Variants in EEA1 observed in about 807,000 individuals in gnomAD.
EEA1 encodes the protein early endosome antigen 1, also known as early endosome antigen 1, 162kD.
EEA1 carries 111 observed loss-of-function variants against 209.2 expected under a neutral mutation model. The ratio of observed to expected loss-of-function variants is 0.53; its 90% confidence interval spans 0.45 to 0.62. The LOEUF (loss-of-function observed/expected upper bound fraction) is 0.62. Among genes scored for constraint, EEA1 ranks in the 20% least tolerant of loss-of-function variants. The probability of loss-of-function intolerance (pLI) is 0.00; values close to 1 mark genes in which losing one functional copy is unlikely to be tolerated. For missense variants in EEA1, 1,343 were observed against 1,530.8 expected (o/e 0.88, Z 2.05); for synonymous variants, 536 against 540.6 (o/e 0.99, Z 0.12).
chr12:92,809,578 C>T (rs1408623442), intron 17 of EEA1, among the ~76,000 whole-genome samples: 1 of 150,172 alleles, frequency 6.7e-6, no homozygotes, highest in Admixed American at 6.6e-5. Flanking sequence ...GCCTGAAGTC[C>T]CAGCTACTCA....
intron 20 of EEA1, among the ~76,000 whole-genome samples, chr12:92,799,389 G>T (rs1425160775): frequency 6.6e-6 from 1 of 151,936 alleles, no homozygotes; most frequent in Non-Finnish European, 1.5e-5. Context: ...ACTTATAATT[G>T]TATAGTTACA....
At chr12:92,897,485 T>G (rs1270303848) in intron 1 of EEA1, among the ~76,000 whole-genome samples, 3 of 152,192 alleles carry the variant, frequency 2.0e-5, no homozygotes, top group Non-Finnish European at 4.4e-5. Flanking sequence ...CAGAAACGTC[T>G]AGGGGGTATT....
chr12:92,882,750 TTTG>T (rs1268763142), intron 2 of EEA1, among the ~76,000 whole-genome samples: 2 of 152,208 alleles, frequency 1.3e-5, no homozygotes. Flanking sequence ...AGAATATGAT[TTTG>T]TTATTTTTAT....
At chr12:92,866,963 C>T (rs756296064) in intron 2 of EEA1, among the ~76,000 whole-genome samples, 77 of 152,110 alleles carry the variant, frequency 5.1e-4, no homozygotes, top group Non-Finnish European at 8.8e-4. Flanking sequence ...TGCTCGTGTT[C>T]GGATACTCAG....
At chr12:92,893,044 A>T (rs1592762339) in intron 1 of EEA1, among the ~76,000 whole-genome samples, 2 of 152,306 alleles carry the variant, frequency 1.3e-5, no homozygotes, top group South Asian at 4.1e-4. Context: ...ACCAATCATT[A>T]CCATCCAGCT....
At chr12:92,843,372 T>C (rs984584245) in intron 9 of EEA1, among the ~76,000 whole-genome samples, 2 of 152,102 alleles carry the variant, frequency 1.3e-5, no homozygotes, top group African/African-American at 4.8e-5. Flanking sequence ...TTGCCTAGGC[T>C]GGTCCCCAAC....
chr12:92,832,722 C>T lies in EEA1; in HGVS notation c.1044G>A (p.Gln348=), dbSNP rs1260979535. Residue 348 remains glutamine (Q), a synonymous_variant, in exon 11 of 29, where the codon CAG becomes CAA. Coordinates refer to ENST00000322349, the MANE Select transcript of EEA1 (RefSeq NM_003566.4). ...CAGATGCAGACAATCTTGACTGAAGCTGTTGACAATCTAGGTCTTTTTGAT... is the reference window on the plus strand; with the variant it reads ...CAGATGCAGACAATCTTGACTGAAGTTGTTGACAATCTAGGTCTTTTTGAT... ...TLHQKDLDCQ[Q]LQSRLSASET... 1 of 1,614,002 alleles carries T rather than the reference C, an allele frequency of 6.2e-7. No homozygotes were observed. Among genetic ancestry groups the T allele is most frequent in the African/African-American group, 1.3e-5 (1 of 75,042 alleles).
At chr12:92,782,361 G>A (rs756737076) in intron 22 of EEA1, among the ~76,000 whole-genome samples, 1 of 151,966 alleles carries the variant, frequency 6.6e-6, no homozygotes, top group Non-Finnish European at 1.5e-5. Flanking sequence ...CAATTCCAAA[G>A]CCTCCAAAAA....
intron 13 of EEA1, among the ~76,000 whole-genome samples, chr12:92,820,774 T>TATATATAC (rs1491468314): frequency 1.6e-5 from 1 of 61,910 alleles, no homozygotes; most frequent in African/African-American, 4.9e-5. Context: ...TATATATATA[T>TATATATAC]ACACACACAC....
At chr12:92,892,902 T>C (rs1879713476) in intron 1 of EEA1, among the ~76,000 whole-genome samples, 1 of 152,218 alleles carries the variant, frequency 6.6e-6, no homozygotes, top group South Asian at 2.1e-4. Flanking sequence ...AGTGCTGTGA[T>C]TACAGGCATG....
At chr12:92,928,894 CGGGCCGGGCGACCG>C (rs1272770730) in intron 1 of EEA1, 135 bp downstream of exon 1, 1 of 637,664 alleles carries the variant, frequency 1.6e-6, no homozygotes, top group Non-Finnish European at 2.3e-6. Flanking sequence ...TCCCCGCCCC[CGGGCCGGGCGACCG>C]AGGCCTAAGC....
At position 92,842,496 on chromosome 12, in the gene EEA1, C is replaced by T. The variant is rs956660784; in HGVS notation, c.884G>A (p.Ser295Asn). The stretch of plus-strand genomic sequence containing the variant: ...TTTTTGTGTTAATTCATTAACTGAA[C>T]TTTTCAGTTTTTGTAGTTCCTGTAC... ...VYVQELQKLK[S>N]SVNELTQKNQ... The change falls in exon 10 of 29, where the codon AGT (serine) becomes AAT (asparagine). Residue 295 changes from serine to asparagine, a missense_variant. Physicochemically the swap from Ser to Asn is conservative, Grantham distance 46. Around this residue, in one of 3 missense-constraint regions of EEA1, gnomAD observed 1,307 missense variants for 1,465.5 expected, o/e 0.89. Coordinates refer to ENST00000322349, the MANE Select transcript of EEA1 (RefSeq NM_003566.4). 6.2e-6 allele frequency: 10 copies of T among 1,603,186 alleles called. No homozygotes were observed. Among genetic ancestry groups the T allele is most frequent in the Non-Finnish European group, 8.5e-6 (10 of 1,173,274 alleles).
intron 13 of EEA1, among the ~76,000 whole-genome samples, chr12:92,821,839 A>G (rs950333272): frequency 6.7e-6 from 1 of 149,902 alleles, no homozygotes. Flanking sequence ...ATAATTACAT[A>G]CACATATAAT....
At chr12:92,853,975 T>A in intron 5 of EEA1, 21 bp from the exon 6 acceptor site, 2 of 1,551,000 alleles carry the variant, frequency 1.3e-6, no homozygotes, top group South Asian at 1.3e-5. Flanking sequence ...ACAAAAGACA[T>A]AAACAAATGA....
rs368473829 is a variant in EEA1 at position 92,802,456 on chromosome 12, T to C, written c.2618A>G (p.Lys873Arg). The change falls in exon 19 of 29, where the codon AAA (lysine) becomes AGA (arginine). Residue 873 changes from lysine (K) to arginine (R), a missense_variant. Physicochemically the swap from Lys to Arg is conservative, Grantham distance 26. Around this residue, in one of 3 missense-constraint regions of EEA1, gnomAD observed 1,307 missense variants for 1,465.5 expected, o/e 0.89. Transcript: ENST00000322349. ...CTGATTCTCCTTTTCAAATTCACTT[T>C]TAGAGTTTTTCAAAGAATCAGAAAC... is the stretch of plus-strand genomic sequence containing the variant. ...SKVSDSLKNSKSEFEKENQKG... is the reference protein window; with the variant it reads ...SKVSDSLKNSRSEFEKENQKG... 35 of 1,582,208 alleles carry C rather than the reference T, an allele frequency of 2.2e-5. No homozygotes were observed. The highest frequency in any genetic ancestry group is 2.8e-5 in the Non-Finnish European group (33 of 1,172,270).
At chr12:92,851,416 C>A in intron 8 of EEA1, 150 bp from the exon 9 acceptor site, 1 of 697,928 alleles carries the variant, frequency 1.4e-6, no homozygotes, top group Admixed American at 2.9e-5. Flanking sequence ...ATATCTTCTC[C>A]CACAATAAGC....
At chr12:92,888,524 C>T (rs1879509780) in intron 2 of EEA1, among the ~76,000 whole-genome samples, 1 of 151,422 alleles carries the variant, frequency 6.6e-6, no homozygotes, top group African/African-American at 2.4e-5. Flanking sequence ...TTACAGTGAG[C>T]CGAGATCGCG....
rs939401277 is a variant in EEA1, at chr12:92,928,989, G to A, written c.24+54C>T. ...GGAGGGGCGCCCGCGCCGCGGCCCCGAGCTCCGGCTGTCCCGCTCACGTGC... is the reference window on the plus strand; with the variant it reads ...GGAGGGGCGCCCGCGCCGCGGCCCCAAGCTCCGGCTGTCCCGCTCACGTGC... On this transcript the variant is annotated intron_variant, in intron 1 of 28. Coordinates refer to ENST00000322349, the MANE Select transcript of EEA1 (RefSeq NM_003566.4). 3.2e-6 allele frequency: 5 copies of A among 1,549,770 alleles called. No homozygotes were observed. The African/African-American group carries it at 7.1e-5, about 22-fold the overall frequency.
chr12:92,788,578 T>C (rs780320007), intron 21 of EEA1, among the ~76,000 whole-genome samples: 1 of 152,180 alleles, frequency 6.6e-6, no homozygotes, highest in Non-Finnish European at 1.5e-5. Context: ...ACTCTAAACT[T>C]GTCTTTAGTC....
Sources: gnomAD v4.1 joint callset for allele counts (sites outside exome capture counted in the v4.1 genomes callset) on GRCh38, gnomAD v4.1.1 for gene constraint, gnomAD v4.1.1 regional missense constraint, MANE v1.5 for transcripts, NCBI Gene and HGNC (gene_info 2026-07-23, HGNC 2026-07-21) for gene names.